PRSS12: variants seen among roughly 807,000 people sequenced by gnomAD.
The protein encoded by PRSS12 is serine protease 12.
PRSS12 carries 85 observed loss-of-function variants against 104.4 expected under a neutral mutation model. The ratio of observed to expected loss-of-function variants is 0.81; its 90% confidence interval spans 0.68 to 0.98. PRSS12 has a LOEUF of 0.98. Ranked by LOEUF, PRSS12 falls within the 50% of genes least tolerant of loss-of-function variation. The pLI, the probability that PRSS12 is intolerant of heterozygous loss-of-function variation, is 0.00. For synonymous variants in PRSS12, 454 were observed against 425.2 expected (o/e 1.07, Z -0.83); for missense variants, 1,141 against 1,139.2 (o/e 1.00, Z -0.02).
intron 8 of PRSS12, among the ~76,000 whole-genome samples, chr4:118,300,682 T>A (rs1269669860): frequency 6.6e-6 from 1 of 152,128 alleles, no homozygotes; most frequent in Non-Finnish European, 1.5e-5. Flanking sequence ...AAATTAAGAA[T>A]GTAGCTTTCC....
intron 7 of PRSS12, among the ~76,000 whole-genome samples, chr4:118,310,602 A>G (rs898863570): frequency 2.6e-5 from 4 of 152,198 alleles, no homozygotes; most frequent in Non-Finnish European, 4.4e-5. Context: ...TGGAAAAGCT[A>G]AACAATCATA....
At chr4:118,300,785 T>G (rs13120959) in intron 8 of PRSS12, among the ~76,000 whole-genome samples, 84,174 of 151,986 alleles carry the variant, frequency 0.55, 23,592 homozygotes, top group East Asian at 0.67. Flanking sequence ...TAGTAGAGAA[T>G]AATGGCATAC....
At chr4:118,316,154 A>T in intron 6 of PRSS12, 28 bp downstream of exon 6, 4 of 1,612,936 alleles carry the variant, frequency 2.5e-6, no homozygotes, top group Non-Finnish European at 2.5e-6. Context: ...TCTGGCATTT[A>T]ACTGCCTTTA....
intron 11 of PRSS12, among the ~76,000 whole-genome samples, chr4:118,293,607 T>C (rs1303821324): frequency 6.6e-6 from 1 of 151,886 alleles, no homozygotes; most frequent in Non-Finnish European, 1.5e-5. Context: ...AATAGCCCAA[T>C]ACAAAAACAG....
Position 118,318,462 on chromosome 4 carries a change from T to C in PRSS12, c.1066A>G (p.Ile356Val), listed in dbSNP as rs903792532. Residue 356 changes from isoleucine (I) to valine (V), a missense_variant, in exon 5 of 13, where the codon ATT becomes GTT. Physicochemically the swap from Ile to Val is conservative, Grantham distance 29. Transcript: ENST00000296498. ...EVRCTGNELSIEQCPKSSWGE... is the reference protein window; with the variant it reads ...EVRCTGNELSVEQCPKSSWGE... The stretch of plus-strand genomic sequence containing the variant: ...CAGGAGCTCTTTGGACACTGCTCAA[T>C]TGAAAGCTCATTCCCAGTGCAGCGT... 1 of 1,614,178 alleles carries C rather than the reference T, an allele frequency of 6.2e-7. No homozygotes were observed. The highest frequency in any genetic ancestry group is 8.5e-7 in the Non-Finnish European group (1 of 1,180,024).
chr4:118,347,676 G>C (rs115702864), intron 1 of PRSS12, among the ~76,000 whole-genome samples: 40 of 152,226 alleles, frequency 2.6e-4, no homozygotes, highest in African/African-American at 9.6e-4. Flanking sequence ...GCAATCTATC[G>C]TGTTTTGTTG....
chr4:118,292,413 T>A (rs1743150576), intron 11 of PRSS12, among the ~76,000 whole-genome samples: 1 of 152,176 alleles, frequency 6.6e-6, no homozygotes, highest in Non-Finnish European at 1.5e-5. Flanking sequence ...ACAAGCTAAA[T>A]GAATCTAACA....
intron 4 of PRSS12, among the ~76,000 whole-genome samples, chr4:118,330,193 G>T (rs1723882688): frequency 6.6e-6 from 1 of 152,122 alleles, no homozygotes; most frequent in Admixed American, 6.6e-5. Context: ...TACAGTAAAG[G>T]ATCAGGCTGA....
chr4:118,283,328 CAAG>C (rs1279585313), intron 11 of PRSS12, among the ~76,000 whole-genome samples: 2 of 152,254 alleles, frequency 1.3e-5, no homozygotes, highest in African/African-American at 2.4e-5. Flanking sequence ...ATCTGTTCTC[CAAG>C]AAGGAGCAAA....
intron 1 of PRSS12, among the ~76,000 whole-genome samples, chr4:118,350,782 TTTAAA>T (rs971360868): frequency 2.6e-5 from 4 of 152,246 alleles, no homozygotes; most frequent in Admixed American, 6.5e-5. Context: ...ATTTTTTAAC[TTTAAA>T]TTACTTTTCT....
Position 118,335,598 on chromosome 4 carries a change from A to G in PRSS12, c.695T>C (p.Ile232Thr). ...TPFSGLGLIP[I>T]YWSNVRCRGD... ...TCGGCAACGGACATTGCTCCAATAA[A>G]TGGGAATAAGGCCCAGTCCAGAAAA... The change falls in exon 3 of 13, where the codon ATT becomes ACT. Residue 232 changes from isoleucine to threonine, a missense_variant. Physicochemically the swap from Ile to Thr is moderately conservative, Grantham distance 89. Transcript: ENST00000296498. 1 of 1,614,104 alleles carries G rather than the reference A, an allele frequency of 6.2e-7. No individual in the cohort carries two copies. The highest frequency in any genetic ancestry group is 1.1e-5 in the South Asian group (1 of 91,088).
intron 8 of PRSS12, 72 bp from the exon 9 acceptor site, chr4:118,299,010 T>G: frequency 6.7e-7 from 1 of 1,486,468 alleles, no homozygotes; most frequent in South Asian, 1.2e-5. Context: ...CAACATGTAT[T>G]CAATTTTATT....
rs1257197538 is a variant in PRSS12 at position 118,283,047 on chromosome 4, CCT to C, written c.2102_2103del (p.Glu701GlyfsTer3). On this transcript the variant is annotated frameshift_variant, in exon 12 of 13. Coordinates refer to ENST00000296498, the MANE Select transcript of PRSS12 (RefSeq NM_003619.4). LOFTEE classifies it high-confidence loss of function. ...RVGDYHTLVP[E>X]EFEEEIGVQQ... ...TGAACTCCAATTTCTTCCTCAAACT[CCT>C]CTGGTACCAGAGTATGATAATCTCC... The C allele has an allele frequency of 2.5e-6, 4 of 1,614,044 alleles. No homozygotes were observed. Among genetic ancestry groups the C allele is most frequent in the Non-Finnish European group, 2.5e-6 (3 of 1,180,030 alleles).
At chr4:118,299,756 AAATAAAATT>A (rs1412287481) in intron 8 of PRSS12, among the ~76,000 whole-genome samples, 1,149 of 37,088 alleles carry the variant, frequency 0.031, 30 homozygotes, top group East Asian at 0.21. Context: ...TAAATAAAAT[AAATAAAATT>A]AAATAAAATA....
intron 1 of PRSS12, among the ~76,000 whole-genome samples, chr4:118,344,163 AG>A (rs1724291032): frequency 6.6e-6 from 1 of 152,230 alleles, no homozygotes; most frequent in African/African-American, 2.4e-5. Flanking sequence ...TCAAAAGAAT[AG>A]AAAAAAACCA....
intron 10 of PRSS12, 151 bp from the exon 11 acceptor site, chr4:118,295,212 T>TCAAAG: frequency 9.4e-7 from 1 of 1,066,586 alleles, no homozygotes; most frequent in Non-Finnish European, 1.4e-6. Flanking sequence ...CCCTTCCTAC[T>TCAAAG]TTGAGAAGGA....
At chr4:118,291,831 C>T (rs889178625) in intron 11 of PRSS12, among the ~76,000 whole-genome samples, 1 of 152,052 alleles carries the variant, frequency 6.6e-6, no homozygotes, top group Non-Finnish European at 1.5e-5. Context: ...AGTTGCAGGA[C>T]GCTAAAACCA....
chr4:118,321,221 GA>G (rs1723607284), intron 4 of PRSS12, among the ~76,000 whole-genome samples: 1 of 152,198 alleles, frequency 6.6e-6, no homozygotes, highest in Non-Finnish European at 1.5e-5. Context: ...TGACAAAACA[GA>G]AAGTCATGTC....
At chr4:118,345,298 A>T (rs548347316) in intron 1 of PRSS12, among the ~76,000 whole-genome samples, 1 of 152,228 alleles carries the variant, frequency 6.6e-6, no homozygotes, top group Non-Finnish European at 1.5e-5. Context: ...GCATACAATA[A>T]TTTTTTTATT....
Sources: gnomAD v4.1 joint callset for allele counts (sites outside exome capture counted in the v4.1 genomes callset) on GRCh38, gnomAD v4.1.1 for gene constraint, MANE v1.5 for transcripts, NCBI Gene and HGNC (gene_info 2026-07-23, HGNC 2026-07-21) for gene names.